The following EFHD1 variants were observed in gnomAD, a reference collection of about 807,000 sequenced individuals.
EFHD1 encodes EF-hand domain family member D1.
In EFHD1, 10 loss-of-function variants were observed where a neutral mutation model predicts 17.2. The ratio of observed to expected loss-of-function variants is 0.58; its 90% CI spans 0.36 to 0.99. The LOEUF is 0.99. Among genes scored for constraint, EFHD1 ranks in the 50% least tolerant of loss-of-function variants. The pLI is 0.01. For synonymous variants in EFHD1, 153 were observed against 142.0 expected (o/e 1.08, Z -0.55); for missense variants, 310 against 327.5 (o/e 0.95, Z 0.41).
intron 1 of EFHD1, among the ~76,000 whole-genome samples, chr2:232,607,427 A>C (rs1325333006): frequency 1.9e-5 from 2 of 106,204 alleles, no homozygotes; most frequent in African/African-American, 9.4e-5. Flanking sequence ...GTCTCTCCTA[A>C]AAATTAAAAA....
At position 232,678,144 on chromosome 2, in the gene EFHD1, G is replaced by T. The variant is rs538210597; in HGVS notation, c.586-3441G>T. ...TAAAAAAAACAAAAATTAGCTGGGCGTGGTGGCGTGTACCTGTCATCCCAG... is the reference window on the plus strand; with the variant it reads ...TAAAAAAAACAAAAATTAGCTGGGCTTGGTGGCGTGTACCTGTCATCCCAG... On this transcript the variant is annotated intron_variant, in intron 3 of 3. Coordinates refer to ENST00000264059, the MANE Select transcript of EFHD1 (RefSeq NM_025202.4). Among the ~76,000 whole-genome samples the T allele has an allele frequency of 5.9e-5, 9 of 152,060 alleles. No homozygotes were observed. In the South Asian group the frequency reaches 1.9e-3, roughly 32 times the overall value.
chr2:232,619,380 G>A (rs925630236), intron 1 of EFHD1, among the ~76,000 whole-genome samples: 1 of 148,268 alleles, frequency 6.7e-6, no homozygotes, highest in East Asian at 2.1e-4. Context: ...GCGCGATCTC[G>A]GCTCACTGCA....
intron 3 of EFHD1, among the ~76,000 whole-genome samples, chr2:232,676,393 AATG>A (rs1303392540): frequency 2.6e-5 from 4 of 152,018 alleles, no homozygotes; most frequent in African/African-American, 9.7e-5. Context: ...GAGGTTAGGG[AATG>A]TCTTTTTTTC....
At chr2:232,681,190 A>T (rs1175859954) in intron 3 of EFHD1, among the ~76,000 whole-genome samples, 1 of 152,138 alleles carries the variant, frequency 6.6e-6, no homozygotes, top group Non-Finnish European at 1.5e-5. Context: ...AAATAAAAAA[A>T]ATAAATCCCA....
intron 1 of EFHD1, among the ~76,000 whole-genome samples, chr2:232,659,429 G>C (rs1310791091): frequency 2.0e-5 from 3 of 152,142 alleles, no homozygotes; most frequent in Admixed American, 2.0e-4. Context: ...GAGCTCCTGG[G>C]CACAGGAGGA....
At chr2:232,611,057 C>T (rs774145024) in intron 1 of EFHD1, among the ~76,000 whole-genome samples, 5 of 151,746 alleles carry the variant, frequency 3.3e-5, no homozygotes, top group Middle Eastern at 3.2e-3. Flanking sequence ...GTGCACCCAT[C>T]GTCCTAGATA....
At chr2:232,642,566 C>G (rs185044367) in intron 1 of EFHD1, among the ~76,000 whole-genome samples, 6 of 151,882 alleles carry the variant, frequency 4.0e-5, no homozygotes, top group African/African-American at 1.4e-4. Context: ...GCTCCTCACC[C>G]CAGAAAAATT....
At chr2:232,631,286 TTC>T (rs955159128), upstream of EFHD1, among the ~76,000 whole-genome samples, 71 of 147,406 alleles carry the variant, frequency 4.8e-4, no homozygotes, top group Admixed American at 5.4e-4. Context: ...CTCTCTTTCT[TTC>T]TCTCTCTCTC....
chr2:232,660,417 ATCTTGT>A lies in EFHD1; in HGVS notation c.303-2381_303-2376del, dbSNP rs548141251. Among the ~76,000 whole-genome samples the A allele has an allele frequency of 6.5e-3, 978 of 151,376 alleles. 7 individuals are homozygous for A. The highest frequency in any genetic ancestry group is 0.012 in the Admixed American group (179 of 15,216). On this transcript the variant is annotated intron_variant, in intron 1 of 3. Coordinates refer to ENST00000264059, the MANE Select transcript of EFHD1 (RefSeq NM_025202.4). ...CACCGTGTTAGCCAGGATGGTCTCG[ATCTTGT>A]TCTCCTGACCTCGTGATCCACCCGC...
At position 232,634,161 on chromosome 2, in the gene EFHD1, A is replaced by G. The variant is rs187838744; in HGVS notation, c.302+155A>G. Among the ~76,000 whole-genome samples the G allele has an allele frequency of 2.2e-3, 335 of 152,232 alleles. 1 individual carries two copies. The highest frequency in any genetic ancestry group is 7.7e-3 in the Admixed American group (117 of 15,286). ...AGCCAGATCTTGCGTGCTCGGGTCT[A>G]TCTCGGCGCGGTGGGGGACGGGGCC... On this transcript the variant is annotated intron_variant, in intron 1 of 3. Coordinates refer to ENST00000264059, the MANE Select transcript of EFHD1 (RefSeq NM_025202.4).
Position 232,662,965 on chromosome 2 carries a change from G to C in EFHD1, c.450+16G>C. ...CTTCCGGGAGGTACCTGCCTGCTGT[G>C]GCCCTGAGCCCCTGTGGGGTGCCCC... is the stretch of plus-strand genomic sequence containing the variant. On this transcript the variant is annotated intron_variant, in intron 2 of 3. Coordinates refer to ENST00000264059, the MANE Select transcript of EFHD1 (RefSeq NM_025202.4). 1 of 1,564,484 alleles carries C rather than the reference G, an allele frequency of 6.4e-7. No homozygotes were observed. The highest frequency in any genetic ancestry group is 8.6e-7 in the Non-Finnish European group (1 of 1,160,742).
Position 232,672,335 on chromosome 2 carries a change from G to A in EFHD1, c.477G>A (p.Ala159=), listed in dbSNP as rs148094264. 1.1e-4 allele frequency: 182 copies of A among 1,614,152 alleles called. No individual in the cohort carries two copies. In the African/African-American group the frequency reaches 1.2e-3, roughly 11 times the overall value. ...REFLLIFHKA[A]AGELQEDSGL... is the part of the protein sequence containing the mutation. ...TCCTGCTCATTTTCCACAAGGCCGC[G>A]GCAGGGGAGCTGCAGGAGGACAGTG... The change falls in exon 3 of 4, where the codon GCG becomes GCA. Residue 159 remains alanine (A), a synonymous_variant. Transcript: ENST00000264059.
At chr2:232,638,212 T>TAAAAAA in intron 1 of EFHD1, 1 of 369,782 alleles carries the variant, frequency 2.7e-6, no homozygotes, top group Non-Finnish European at 5.5e-6. Context: ...AAATTTTAAT[T>TAAAAAA]ACCCTGGACT....
intron 2 of EFHD1, among the ~76,000 whole-genome samples, chr2:232,671,048 C>T (rs1473495622): frequency 2.6e-5 from 4 of 152,056 alleles, no homozygotes; most frequent in Non-Finnish European, 4.4e-5. Context: ...AATGTTTAAA[C>T]CATTGTAGGA....
At chr2:232,655,005 A>G (rs1446188277) in intron 1 of EFHD1, among the ~76,000 whole-genome samples, 2 of 150,632 alleles carry the variant, frequency 1.3e-5, no homozygotes, top group African/African-American at 4.9e-5. Context: ...TACTCGCTTC[A>G]CTCTCCTTCC....
Position 232,660,384 on chromosome 2 carries a change from T to C in EFHD1, c.303-2418T>C, listed in dbSNP as rs563015450. ...TCATTTTTTGTATTTTTAGTAGAGA[T>C]GGGATTTCACCGTGTTAGCCAGGAT... On this transcript the variant is annotated intron_variant, in intron 1 of 3. Coordinates refer to ENST00000264059, the MANE Select transcript of EFHD1 (RefSeq NM_025202.4). Among the ~76,000 whole-genome samples the C allele has an allele frequency of 1.2e-3, 187 of 151,830 alleles. 1 individual carries two copies. Among genetic ancestry groups the C allele is most frequent in the African/African-American group, 3.9e-3 (161 of 41,448 alleles).
upstream of EFHD1, among the ~76,000 whole-genome samples, chr2:232,629,277 G>A (rs1288671458): frequency 1.3e-5 from 2 of 152,174 alleles, no homozygotes; most frequent in Non-Finnish European, 2.9e-5. Context: ...CCCTGGGAAA[G>A]GCAGAACCTC....
At chr2:232,660,164 GTTAT>G (rs1319887161) in intron 1 of EFHD1, among the ~76,000 whole-genome samples, 7 of 145,902 alleles carry the variant, frequency 4.8e-5, no homozygotes, top group East Asian at 3.9e-4. Context: ...TTAAATTTGT[GTTAT>G]TTATTTATTT....
upstream of EFHD1, among the ~76,000 whole-genome samples, chr2:232,632,782 T>C (rs1478657607): frequency 1.3e-5 from 2 of 152,178 alleles, no homozygotes; most frequent in Non-Finnish European, 2.9e-5. Context: ...AGCGCCACTA[T>C]GCCTGGCTGA....
Sources: allele counts gnomAD v4.1 joint callset (sites outside exome capture counted in the v4.1 genomes callset), GRCh38; gene constraint gnomAD v4.1.1; transcripts MANE v1.5; gene names NCBI Gene and HGNC (gene_info 2026-07-23, HGNC 2026-07-21).